The following NACA variants were observed in gnomAD, a reference collection of about 807,000 sequenced individuals.
NACA encodes nascent polypeptide-associated complex subunit alpha.
A neutral mutation model predicts 86.4 loss-of-function variants in NACA; 42 were observed. The observed-to-expected ratio is 0.49, with a 90% CI of 0.38 to 0.63. The LOEUF is 0.63. NACA is among the 20% of genes least tolerant of loss of function. NACA has a pLI of 0.00. For synonymous variants in NACA, 898 were observed against 973.7 expected, an observed-to-expected ratio of 0.92 and a Z score of 1.45; for missense variants, 2,157 against 2,483.6, an observed-to-expected ratio of 0.87 and a Z score of 2.80.
In NACA at chr12:56,716,653, T is replaced by G; in HGVS notation, c.4877A>C (p.Lys1626Thr). 1 of 1,438,324 alleles carries G rather than the reference T, an allele frequency of 7.0e-7. No homozygotes were observed. Among genetic ancestry groups the G allele is most frequent in the Non-Finnish European group, 9.4e-7 (1 of 1,068,162 alleles). The allele number at this position is 1,438,324 out of a possible 1,614,324, so 89.1% of individuals were successfully genotyped here. A position where few individuals can be genotyped will look rare whatever the true frequency, so the allele number is the denominator to read the frequency against. Residue 1626 changes from lysine to threonine, a missense_variant, in exon 3 of 9, where the codon AAG becomes ACG. Physicochemically the swap from Lys to Thr is moderately conservative, Grantham distance 78. Transcript: ENST00000454682. ...PPAVTPPSPE[K>T]GPATPAPKGT... ...TTTGGGGGCTGGAGTTGCTGGGCCCTTTTCGGGGGATGGAGGAGTCACAGC... is the reference window on the plus strand; with the variant it reads ...TTTGGGGGCTGGAGTTGCTGGGCCCGTTTCGGGGGATGGAGGAGTCACAGC...
At position 56,713,649 on chromosome 12, in the gene NACA, C is replaced by T. The variant is rs560638525; in HGVS notation, c.5858G>A (p.Gly1953Glu). The change falls in exon 6 of 9, where the codon GGA becomes GAA. Residue 1953 changes from glycine (G) to glutamate (E), a missense_variant. Physicochemically the swap from Gly to Glu is moderately conservative, Grantham distance 98 (BLOSUM62 -2). This residue lies in a region of NACA where 81 missense variants were observed against 200.6 expected (regional missense o/e 0.40). Transcript: ENST00000454682. Reference sequence around the variant, plus strand: ...TTTCCGGATAGTGACTCTAGTAACTCCTGTAACCTGCCGAAGACCCAGTTT... The same window carrying T: ...TTTCCGGATAGTGACTCTAGTAACTTCTGTAACCTGCCGAAGACCCAGTTT... ...MSKLGLRQVT[G>E]VTRVTIRKSK... 6.2e-7 allele frequency: 1 copy of T among 1,614,050 alleles called. No homozygotes were observed. Among genetic ancestry groups the T allele is most frequent in the African/African-American group, 1.3e-5 (1 of 75,026 alleles).
chr12:56,717,009 A>G lies in NACA; in HGVS notation c.4521T>C (p.Ala1507=). The part of the protein sequence containing the change: ...PAPMGAPTLP[A]VIPSSPKEVP... The stretch of plus-strand genomic sequence containing the variant: ...CCTCTTTGGGGGAAGAAGGAATCAC[A>G]GCTGGCAGAGTGGGGGCCCCCATGG... The change falls in exon 3 of 9, where the codon GCT becomes GCC. Residue 1507 remains alanine (A), a synonymous_variant. Coordinates refer to ENST00000454682, the MANE Select transcript of NACA (RefSeq NM_001365896.1). 1 of 1,266,552 alleles carries G rather than the reference A, an allele frequency of 7.9e-7. No homozygotes were observed. Among genetic ancestry groups the G allele is most frequent in the Non-Finnish European group, 1.0e-6 (1 of 988,200 alleles). 78.5% of individuals were successfully genotyped at this position (1,266,552 alleles called of 1,614,324 possible).
intron 1 of NACA, 159 bp from the exon 2 acceptor site, chr12:56,724,682 G>C (rs556017550): frequency 7.2e-6 from 5 of 692,172 alleles, no homozygotes; most frequent in African/African-American, 5.4e-5. Context: ...GGAATAAGAG[G>C]TAAATATGAT....
At chr12:56,715,733 T>C (rs1953335287) in intron 3 of NACA, 138 bp downstream of exon 3, 1 of 771,232 alleles carries the variant, frequency 1.3e-6, no homozygotes, top group Non-Finnish European at 1.9e-6. Flanking sequence ...TTTAAAATTA[T>C]CATTCTATGT....
chr12:56,719,469 G>A lies in NACA; in HGVS notation c.2061C>T (p.Asn687=), dbSNP rs927493798. 3 of 1,613,664 alleles carry A rather than the reference G, an allele frequency of 1.9e-6. No individual in the cohort carries two copies. The highest frequency in any genetic ancestry group is 2.5e-6 in the Non-Finnish European group (3 of 1,179,814). The change falls in exon 3 of 9, where the codon AAC becomes AAT. Residue 687 remains asparagine, a synonymous_variant. Transcript: ENST00000454682. ...LEGTVSLAPK[N]HPVKEGTLTT... ...TAAGAGTACCTTCCTTAACTGGGTG[G>A]TTTTTAGGAGCTAAAGAGACAGTTC...
Position 56,720,362 on chromosome 12 carries a change from T to C in NACA, c.1168A>G (p.Ser390Gly), listed in dbSNP as rs1478056761. Reference sequence around the variant, plus strand: ...GAGCCAGAAGGGCTGCAGGTTATGCTAGAGATGGTAGAGGGACCTTTGTCA... The same window carrying C: ...GAGCCAGAAGGGCTGCAGGTTATGCCAGAGATGGTAGAGGGACCTTTGTCA... ...SVDKGPSTIS[S>G]ITCSPSGSLN... The change falls in exon 3 of 9, where the codon AGC becomes GGC. Residue 390 changes from serine to glycine, a missense_variant. Coordinates refer to ENST00000454682, the MANE Select transcript of NACA (RefSeq NM_001365896.1). The C allele has an allele frequency of 1.2e-6, 2 of 1,613,830 alleles. No homozygotes were observed. Among genetic ancestry groups the C allele is most frequent in the Non-Finnish European group, 1.7e-6 (2 of 1,179,844 alleles).
chr12:56,715,810 A>G lies in NACA; in HGVS notation c.5659+61T>C. On this transcript the variant is annotated intron_variant, in intron 3 of 8. Coordinates refer to ENST00000454682, the MANE Select transcript of NACA (RefSeq NM_001365896.1). ...CATCACAGGGTTAGTATTGGTGGGT[A>G]GCGCCCAAGAGGGGTGTGGACGACA... is the stretch of plus-strand genomic sequence containing the variant. 4 of 1,399,366 alleles carry G rather than the reference A, an allele frequency of 2.9e-6. No individual in the cohort carries two copies. The South Asian group carries it at 4.9e-5, about 17-fold the overall frequency. 86.7% of individuals were successfully genotyped at this position (1,399,366 alleles called of 1,614,324 possible).
Position 56,716,264 on chromosome 12 carries a change from G to A in NACA, c.5266C>T (p.His1756Tyr). 2 of 1,613,644 alleles carry A rather than the reference G, an allele frequency of 1.2e-6. No individual in the cohort carries two copies. Among genetic ancestry groups the A allele is most frequent in the South Asian group, 1.1e-5 (1 of 90,860 alleles). ...SKTAKGKDAS[H>Y]SPKGPLAPPE... ...GGAGCCAAGGGGCCCTTTGGGGAAT[G>A]AGAAGCATCTTTGCCTTTTGCTGTC... The change falls in exon 3 of 9, where the codon CAT (histidine) becomes TAT (tyrosine). Residue 1756 changes from histidine to tyrosine, a missense_variant. Coordinates refer to ENST00000454682, the MANE Select transcript of NACA (RefSeq NM_001365896.1).
Position 56,718,974 on chromosome 12 carries a change from C to G in NACA, c.2556G>C (p.Thr852=). 3 of 1,447,180 alleles carry G rather than the reference C, an allele frequency of 2.1e-6. No homozygotes were observed. The East Asian group carries it at 9.0e-5, about 43-fold the overall frequency. The allele number at this position is 1,447,180 out of a possible 1,614,324, so 89.6% of individuals were successfully genotyped here. Residue 852 remains threonine, a synonymous_variant, in exon 3 of 9, where the codon ACG becomes ACC. Coordinates refer to ENST00000454682, the MANE Select transcript of NACA (RefSeq NM_001365896.1). ...SFQGSKDSPA[T]THSPTPPSPK... ...GGGATGGAGGAGTGGGAGAATGCGT[C>G]GTGGCTGGTGAGTCTTTAGAGCCTT...
chr12:56,714,533 C>G, intron 4 of NACA, 69 bp downstream of exon 4: 3 of 1,604,244 alleles, frequency 1.9e-6, no homozygotes, highest in Non-Finnish European at 8.5e-7. Flanking sequence ...TTCACAGTTC[C>G]AAATACAAAA....
chr12:56,716,034 A>G lies in NACA; in HGVS notation c.5496T>C (p.Leu1832=), dbSNP rs1346935521. ...GLVLESPSKP[L]APADEDELLP... is the part of the protein sequence containing the mutation. The stretch of plus-strand genomic sequence containing the variant: ...GCAGCTCATCCTCATCAGCAGGGGC[A>G]AGGGGTTTAGAGGGTGATTCCAACA... Residue 1832 remains leucine (L), a synonymous_variant, in exon 3 of 9, where the codon CTT becomes CTC. Transcript: ENST00000454682. 3 of 1,607,150 alleles carry G rather than the reference A, an allele frequency of 1.9e-6. No individual in the cohort carries two copies. Among genetic ancestry groups the G allele is most frequent in the Admixed American group, 1.7e-5 (1 of 59,696 alleles).
chr12:56,717,063 A>C lies in NACA; in HGVS notation c.4467T>G (p.Ser1489=). The C allele has an allele frequency of 8.5e-7, 1 of 1,171,894 alleles. No homozygotes were observed. The highest frequency in any genetic ancestry group is 1.1e-6 in the Non-Finnish European group (1 of 939,098). 72.6% of individuals were successfully genotyped at this position (1,171,894 alleles called of 1,614,324 possible). ...PAPKQVATSS[S]PKKAPATPAP... The stretch of plus-strand genomic sequence containing the variant: ...CTGGAGTTGCTGGGGCCTTTTTGGG[A>C]GAGGAAGAAGTGGCAACTTGTTTGG... Residue 1489 remains serine (S), a synonymous_variant, in exon 3 of 9, where the codon TCT becomes TCG. Transcript: ENST00000454682.
chr12:56,719,399 C>T lies in NACA; in HGVS notation c.2131G>A (p.Ala711Thr), dbSNP rs1953506739. 1.9e-6 allele frequency: 3 copies of T among 1,611,852 alleles called. No homozygotes were observed. The highest frequency in any genetic ancestry group is 2.2e-5 in the South Asian group (2 of 90,224). Reference sequence around the variant, plus strand: ...GCACAGGTATTCTGGGGGGATGGAGCCACAGGGCAATTTTCTGAAGCTGTA... The same window carrying T: ...GCACAGGTATTCTGGGGGGATGGAGTCACAGGGCAATTTTCTGAAGCTGTA... The part of the protein sequence containing the change: ...VPTASENCPV[A>T]PSPQNTCAPL... Residue 711 changes from alanine to threonine, a missense_variant, in exon 3 of 9, where the codon GCT (alanine) becomes ACT (threonine). Physicochemically the swap from Ala to Thr is moderately conservative, Grantham distance 58. Coordinates refer to ENST00000454682, the MANE Select transcript of NACA (RefSeq NM_001365896.1).
chr12:56,715,826 G>A, intron 3 of NACA, 45 bp downstream of exon 3: 1 of 1,470,996 alleles, frequency 6.8e-7, no homozygotes, highest in Non-Finnish European at 9.1e-7. Context: ...CAAGAGGGGT[G>A]TGGACGACAG....
At chr12:56,713,261 C>CAA in intron 6 of NACA, 71 bp from the exon 7 acceptor site, 1 of 1,546,302 alleles carries the variant, frequency 6.5e-7, no homozygotes, top group Non-Finnish European at 8.8e-7. Context: ...TATAGTTTCA[C>CAA]AACTCTCTGT....
chr12:56,719,844 T>A lies in NACA; in HGVS notation c.1686A>T (p.Leu562Phe). Residue 562 changes from leucine (L) to phenylalanine (F), a missense_variant, in exon 3 of 9, where the codon TTA becomes TTT. This residue lies in a region of NACA where 947 missense variants were observed against 917.9 expected (regional missense o/e 1.03). Coordinates refer to ENST00000454682, the MANE Select transcript of NACA (RefSeq NM_001365896.1). ...TTKKDPTVLP[L>F]VQAAPKNSPS... ...GGGAATTTTTAGGGGCTGCCTGGAC[T>A]AACGGTAATACAGTAGGGTCTTTCT... 6.2e-7 allele frequency: 1 copy of A among 1,613,804 alleles called. No homozygotes were observed. Among genetic ancestry groups the A allele is most frequent in the Non-Finnish European group, 8.5e-7 (1 of 1,179,822 alleles).
Position 56,719,800 on chromosome 12 carries a change from G to C in NACA, c.1730C>G (p.Ser577Cys). The change falls in exon 3 of 9, where the codon TCC becomes TGC. Residue 577 changes from serine to cysteine, a missense_variant. Coordinates refer to ENST00000454682, the MANE Select transcript of NACA (RefSeq NM_001365896.1). The part of the protein sequence containing the change: ...PKNSPSFQST[S>C]SSPEIPLSPE... ...AGAAAGAGGTATCTCTGGAGAAGAG[G>C]ATGTACTTTGGAAAGAAGGGGAATT... 1 of 1,613,830 alleles carries C rather than the reference G, an allele frequency of 6.2e-7. No homozygotes were observed. Among genetic ancestry groups the C allele is most frequent in the Non-Finnish European group, 8.5e-7 (1 of 1,179,866 alleles).
Position 56,720,710 on chromosome 12 carries a change from C to G in NACA, c.820G>C (p.Ala274Pro), listed in dbSNP as rs779936716. Reference protein sequence around the residue: ...LSLKGPVSPPAALSLSTQSLP... With the variant: ...LSLKGPVSPPPALSLSTQSLP... The stretch of plus-strand genomic sequence containing the variant: ...GACTGAGTTGAAAGAGATAAGGCAG[C>G]AGGTGGACTAACAGGCCCCTTCAGG... Residue 274 changes from alanine (A) to proline (P), a missense_variant, in exon 3 of 9, where the codon GCT (alanine) becomes CCT (proline). Around this residue, in one of 8 missense-constraint regions of NACA, gnomAD observed 947 missense variants for 917.9 expected, o/e 1.03. Coordinates refer to ENST00000454682, the MANE Select transcript of NACA (RefSeq NM_001365896.1). The G allele has an allele frequency of 6.2e-7, 1 of 1,613,942 alleles. No homozygotes were observed. Among genetic ancestry groups the G allele is most frequent in the South Asian group, 1.1e-5 (1 of 91,084 alleles).
chr12:56,714,478 A>G, intron 4 of NACA, 39 bp from the exon 5 acceptor site: 1 of 1,603,934 alleles, frequency 6.2e-7, no homozygotes, highest in Non-Finnish European at 8.5e-7. Context: ...CCAGAATCTA[A>G]GATCTGGATA....
Sources: gnomAD v4.1 joint callset for allele counts on GRCh38, gnomAD v4.1.1 for gene constraint, gnomAD v4.1.1 regional missense constraint, MANE v1.5 for transcripts, NCBI Gene and HGNC (gene_info 2026-07-23, HGNC 2026-07-21) for gene names.